The following MCM3AP variants were observed in gnomAD, a reference collection of about 807,000 sequenced individuals.
The protein encoded by MCM3AP is minichromosome maintenance complex component 3 associated protein, also known as germinal-center associated nuclear protein.
A neutral mutation model predicts 184.1 loss-of-function variants in MCM3AP; 126 were observed. That is an observed-to-expected ratio of 0.68 (90% CI 0.59 to 0.79). The LOEUF is 0.79. MCM3AP is among the 30% of genes least tolerant of loss of function. The pLI is 0.00. For synonymous variants in MCM3AP, 1,002 were observed against 979.3 expected, an observed-to-expected ratio of 1.02 and a Z score of -0.43; for missense variants, 2,496 against 2,479.2, an observed-to-expected ratio of 1.01 and a Z score of -0.14.
Position 46,272,837 on chromosome 21 carries a change from C to A in MCM3AP, c.2197-8G>T, listed in dbSNP as rs1601535362. On this transcript the variant is annotated splice_region_variant and splice_polypyrimidine_tract_variant and intron_variant, in intron 7 of 27. Transcript: ENST00000291688. ...GTGCTGCTGCGTGATATCCTGGCCA[C>A]AGGCGAGGGGGAGGATCACACACAC... 2.5e-6 allele frequency: 4 copies of A among 1,569,278 alleles called. No homozygotes were observed. Among genetic ancestry groups the A allele is most frequent in the Middle Eastern group, 3.6e-4 (2 of 5,582 alleles).
intron 19 of MCM3AP, chr21:46,253,540 C>T (rs1006458980): frequency 1.3e-5 from 2 of 151,944 alleles, no homozygotes; most frequent in African/African-American, 4.8e-5. Context: ...TGAGCTCTCA[C>T]GAGATCTGGT....
intron 9 of MCM3AP, 31 bp from the exon 10 acceptor site, chr21:46,267,173 C>CA: frequency 6.2e-7 from 1 of 1,601,400 alleles, no homozygotes; most frequent in Non-Finnish European, 8.5e-7. Flanking sequence ...ACTGCAGTCT[C>CA]AGACGAAGGC....
intron 22 of MCM3AP, among the ~76,000 whole-genome samples, chr21:46,245,667 AT>A (rs17176856): frequency 6.6e-6 from 1 of 151,592 alleles, no homozygotes; most frequent in South Asian, 2.1e-4. Flanking sequence ...CCCCTGCCCT[AT>A]TTTTTTTGTT....
chr21:46,266,372 C>G (rs1437451849), intron 10 of MCM3AP: 1 of 470,742 alleles, frequency 2.1e-6, no homozygotes, highest in African/African-American at 2.0e-5. Context: ...TGTTAACAGA[C>G]GCACGCTGAC....
chr21:46,275,608 T>C (rs1286704941), intron 5 of MCM3AP, among the ~76,000 whole-genome samples: 1 of 152,014 alleles, frequency 6.6e-6, no homozygotes, highest in African/African-American at 2.4e-5. Context: ...GAGTCACCTC[T>C]CCAACAGTCA....
At position 46,284,483 on chromosome 21, in the gene MCM3AP, T is replaced by C. The variant is rs937560758; in HGVS notation, c.804A>G (p.Ala268=). The change falls in exon 1 of 28, where the codon GCA becomes GCG. Residue 268 remains alanine (A), a synonymous_variant. Coordinates refer to ENST00000291688, the MANE Select transcript of MCM3AP (RefSeq NM_003906.5). The part of the protein sequence containing the change: ...VLGEPFQASK[A]GVRQGCEEAV... ...CTTCTTCACACCCCTGCCTGACACC[T>C]GCTTTGCTAGCCTGGAAAGGTTCGC... 5.0e-6 allele frequency: 8 copies of C among 1,614,210 alleles called. No individual in the cohort carries two copies. The highest frequency in any genetic ancestry group is 2.2e-5 in the East Asian group (1 of 44,890).
intron 13 of MCM3AP, among the ~76,000 whole-genome samples, chr21:46,261,689 C>A (rs547061710): frequency 6.8e-6 from 1 of 146,782 alleles, no homozygotes; most frequent in East Asian, 2.0e-4. Context: ...GCCAAGATTG[C>A]GTCACTGTAC....
At chr21:46,258,621 G>A (rs2145656071) in intron 16 of MCM3AP, among the ~76,000 whole-genome samples, 1 of 152,206 alleles carries the variant, frequency 6.6e-6, no homozygotes, top group South Asian at 2.1e-4. Context: ...CTTGTTCATA[G>A]CTGTCTCCCA....
chr21:46,279,251 G>C (rs2081294830), intron 4 of MCM3AP, among the ~76,000 whole-genome samples: 1 of 140,892 alleles, frequency 7.1e-6, no homozygotes, highest in Non-Finnish European at 1.5e-5. Flanking sequence ...TCGTGCCACT[G>C]AACTCCAACC....
At chr21:46,275,347 G>T (rs1193115980) in intron 5 of MCM3AP, 22 bp from the exon 6 acceptor site, 3 of 1,605,710 alleles carry the variant, frequency 1.9e-6, no homozygotes, top group South Asian at 1.1e-5. Context: ...CAAGTAAAAG[G>T]TAAGAATGTA....
At chr21:46,246,927 G>A (rs372438808) in intron 20 of MCM3AP, 41 bp from the exon 21 acceptor site, 9 of 1,600,716 alleles carry the variant, frequency 5.6e-6, no homozygotes, top group Non-Finnish European at 6.0e-6. Context: ...TGCACCATGG[G>A]ACGCATCAGC....
At position 46,243,640 on chromosome 21, in the gene MCM3AP, C is replaced by T. The variant is rs1341429188; in HGVS notation, c.5121G>A (p.Gln1707=). 1 of 1,614,092 alleles carries T rather than the reference C, an allele frequency of 6.2e-7. No individual in the cohort carries two copies. The highest frequency in any genetic ancestry group is 8.5e-7 in the Non-Finnish European group (1 of 1,180,044). The part of the protein sequence containing the change: ...PSSRQTQPVL[Q]SQVENLLHRT... ...TGTGGAGCAGGTTCTCCACCTGGGA[C>T]TGGAGGACAGGCTGTGTCTGGCGTG... Residue 1707 remains glutamine, a synonymous_variant, in exon 24 of 28, where the codon CAG becomes CAA. Transcript: ENST00000291688.
chr21:46,272,589 G>C lies in MCM3AP; in HGVS notation c.2437C>G (p.Leu813Val). Residue 813 changes from leucine (L) to valine (V), a missense_variant, in exon 8 of 28, where the codon CTC (leucine) becomes GTC (valine). Physicochemically the swap from Leu to Val is conservative, Grantham distance 32. Transcript: ENST00000291688. ...AGGATGTCTCCCTTGTTGAGACTGA[G>C]CAGAACATTGTAGCCCTGGAACTCC... Reference protein sequence around the residue: ...EAEFQGYNVLLSLNKGDILRE... With the variant: ...EAEFQGYNVLVSLNKGDILRE... The C allele has an allele frequency of 6.2e-7, 1 of 1,614,154 alleles. No individual in the cohort carries two copies. The highest frequency in any genetic ancestry group is 8.5e-7 in the Non-Finnish European group (1 of 1,179,998).
At chr21:46,248,965 A>C (rs1034577852) in intron 20 of MCM3AP, among the ~76,000 whole-genome samples, 6 of 152,222 alleles carry the variant, frequency 3.9e-5, no homozygotes, top group African/African-American at 1.2e-4. Flanking sequence ...TCATAAAGAC[A>C]TGAAAATGTC....
In MCM3AP at chr21:46,265,388, C is replaced by G; in HGVS notation, c.3167G>C (p.Ser1056Thr). 2 of 1,614,050 alleles carry G rather than the reference C, an allele frequency of 1.2e-6. No homozygotes were observed. The highest frequency in any genetic ancestry group is 1.7e-6 in the Non-Finnish European group (2 of 1,180,026). The stretch of plus-strand genomic sequence containing the variant: ...AGGCTGCACAGACAGCTGGAAGAGG[C>G]TGGGCGCCACAGACGGGGTCAGTGC... ...VLALTPSVAPSLFQLSVQPEP... is the reference protein window; with the variant it reads ...VLALTPSVAPTLFQLSVQPEP... Residue 1056 changes from serine to threonine, a missense_variant, in exon 12 of 28, where the codon AGC (serine) becomes ACC (threonine). Ser to Thr is a moderately conservative substitution (Grantham distance 58, BLOSUM62 1). Coordinates refer to ENST00000291688, the MANE Select transcript of MCM3AP (RefSeq NM_003906.5).
chr21:46,281,095 C>T (rs1257090958), intron 2 of MCM3AP, among the ~76,000 whole-genome samples: 5 of 152,156 alleles, frequency 3.3e-5, no homozygotes, highest in South Asian at 2.1e-4. Flanking sequence ...CGTGAGCCAC[C>T]GCGCCCGGCC....
chr21:46,244,705 T>G lies in MCM3AP; in HGVS notation c.5038+102A>C. On this transcript the variant is annotated intron_variant, in intron 23 of 27. Transcript: ENST00000291688. Reference sequence around the variant, plus strand: ...ACACACGGAGGTGGACGTGCAGCCCTCACACTGGTGCCCAACACCTGCCAG... The same window carrying G: ...ACACACGGAGGTGGACGTGCAGCCCGCACACTGGTGCCCAACACCTGCCAG... The G allele has an allele frequency of 1.5e-6, 2 of 1,304,590 alleles. 1 individual carries two copies. Among genetic ancestry groups the G allele is most frequent in the South Asian group, 2.8e-5 (2 of 70,468 alleles). The allele number at this position is 1,304,590 out of a possible 1,614,324, so 80.8% of individuals were successfully genotyped here. A position where few individuals can be genotyped will look rare whatever the true frequency, so the allele number is the denominator to read the frequency against.
At chr21:46,263,114 G>A (rs1257679542) in intron 13 of MCM3AP, among the ~76,000 whole-genome samples, 2 of 151,794 alleles carry the variant, frequency 1.3e-5, no homozygotes, top group Non-Finnish European at 2.9e-5. Flanking sequence ...CGGATCACGA[G>A]GTCAGGAGAT....
chr21:46,263,137 G>A (rs1045954120), intron 13 of MCM3AP, among the ~76,000 whole-genome samples: 6 of 151,204 alleles, frequency 4.0e-5, no homozygotes, highest in African/African-American at 1.5e-4. Context: ...AGACCATCCT[G>A]GCTAATAATG....
Sources: gnomAD v4.1 joint callset for allele counts (sites outside exome capture counted in the v4.1 genomes callset) on GRCh38, gnomAD v4.1.1 for gene constraint, MANE v1.5 for transcripts, NCBI Gene and HGNC (gene_info 2026-07-23, HGNC 2026-07-21) for gene names.